The following SORL1 variants were observed in gnomAD, a reference collection of about 807,000 sequenced individuals.
The protein encoded by SORL1 is sortilin related receptor 1, also known as sortilin-related receptor.
Under a neutral mutation model 273.7 loss-of-function variants are expected in SORL1, and 127 were observed. The observed-to-expected ratio is 0.46, with a 90% CI of 0.40 to 0.54. The LOEUF (loss-of-function observed/expected upper bound fraction) is 0.54, where lower values mean the gene tolerates loss of function less well. Among genes scored for constraint, SORL1 ranks in the 20% least tolerant of loss-of-function variants. The pLI, the probability that SORL1 is intolerant of heterozygous loss-of-function variation, is 0.00. For missense variants in SORL1, 2,494 were observed against 2,846.1 expected (o/e 0.88, Z 2.81); for synonymous variants, 1,031 against 1,067.4 (o/e 0.97, Z 0.66).
chr11:121,516,507 C>T (rs1440097346), intron 8 of SORL1, among the ~76,000 whole-genome samples: 1 of 152,094 alleles, frequency 6.6e-6, no homozygotes, highest in Non-Finnish European at 1.5e-5. Context: ...GTTGGAGAGG[C>T]CTATTGGATA....
chr11:121,543,428 C>A (rs2134886464), intron 12 of SORL1, 120 bp from the exon 13 acceptor site: 1 of 756,010 alleles, frequency 1.3e-6, no homozygotes. Context: ...CTGCCTTAGC[C>A]CAGGATCAGC....
chr11:121,566,228 C>T lies in SORL1; in HGVS notation c.3050-712C>T, dbSNP rs563791572. ...GGAGCTGTTCTTTCTCTTTCCCTCT[C>T]ATTAGGCCTCTTCTCTCTGTAAGCC... On this transcript the variant is annotated intron_variant, in intron 21 of 47. Coordinates refer to ENST00000260197, the MANE Select transcript of SORL1 (RefSeq NM_003105.6). Among the ~76,000 whole-genome samples, 6 of 152,170 alleles carry T rather than the reference C, an allele frequency of 3.9e-5. No individual in the cohort carries two copies. In the East Asian group the frequency reaches 9.7e-4, roughly 24 times the overall value.
At chr11:121,472,100 G>A (rs976487058) in intron 2 of SORL1, among the ~76,000 whole-genome samples, 15 of 152,066 alleles carry the variant, frequency 9.9e-5, no homozygotes, top group Non-Finnish European at 1.2e-4. Context: ...ACCTATCTTC[G>A]TGCTACTGTA....
intron 2 of SORL1, among the ~76,000 whole-genome samples, chr11:121,473,370 CT>C (rs1861203144): frequency 6.6e-6 from 1 of 152,216 alleles, no homozygotes; most frequent in African/African-American, 2.4e-5. Context: ...CATTTATCCA[CT>C]GATGAAGTTG....
At chr11:121,558,937 C>A (rs1862633422) in intron 20 of SORL1, 100 bp downstream of exon 20, 3 of 1,465,618 alleles carry the variant, frequency 2.0e-6, no homozygotes, top group South Asian at 1.3e-5. Flanking sequence ...AGCTGTTTAA[C>A]TTCTTAAAGG....
intron 25 of SORL1, among the ~76,000 whole-genome samples, chr11:121,581,268 A>G (rs1191119006): frequency 2.6e-5 from 4 of 152,174 alleles, no homozygotes; most frequent in Non-Finnish European, 4.4e-5. Flanking sequence ...TCCCTGTTAT[A>G]CTACTTATTT....
intron 23 of SORL1, among the ~76,000 whole-genome samples, chr11:121,573,071 G>C (rs1332401878): frequency 6.6e-6 from 1 of 152,180 alleles, no homozygotes. Context: ...CGGGGTGCCA[G>C]GGATTGTGCT....
In SORL1 at chr11:121,583,680, C is replaced by T. The variant is rs139012444; in HGVS notation, c.3706+97C>T. 1.7e-4 allele frequency: 231 copies of T among 1,355,078 alleles called. 2 individuals are homozygous for T. In the African/African-American group the frequency reaches 3.0e-3, roughly 18 times the overall value. The allele number at this position is 1,355,078 out of a possible 1,614,324, so 83.9% of individuals were successfully genotyped here. On this transcript the variant is annotated intron_variant, in intron 26 of 47. Coordinates refer to ENST00000260197, the MANE Select transcript of SORL1 (RefSeq NM_003105.6). Reference sequence around the variant, plus strand: ...GAGCCAGGGGATGAAATGCTGTTCTCCTATGCCTGTATTTACACTCTGAAA... The same window carrying T: ...GAGCCAGGGGATGAAATGCTGTTCTTCTATGCCTGTATTTACACTCTGAAA...
intron 35 of SORL1, among the ~76,000 whole-genome samples, chr11:121,605,989 A>G (rs187444924): frequency 5.7e-4 from 87 of 152,208 alleles, no homozygotes; most frequent in Middle Eastern, 3.4e-3. Flanking sequence ...TGGAGGCGCA[A>G]TCACTGCTCA....
intron 21 of SORL1, among the ~76,000 whole-genome samples, chr11:121,564,573 T>TTTTG (rs370214647): frequency 1.3e-5 from 2 of 150,568 alleles, no homozygotes; most frequent in African/African-American, 4.9e-5. Context: ...TATTTGTTCG[T>TTTTG]TTTGTTTGTT....
intron 38 of SORL1, chr11:121,609,587 A>G (rs1048826072): frequency 1.3e-5 from 2 of 152,170 alleles, no homozygotes; most frequent in African/African-American, 2.4e-5. Context: ...CTGCTTGCAT[A>G]TATTTGGGCT....
chr11:121,615,039 C>T lies in SORL1; in HGVS notation c.5588C>T (p.Thr1863Ile). The T allele has an allele frequency of 6.2e-7, 1 of 1,601,894 alleles. No individual in the cohort carries two copies. Among genetic ancestry groups the T allele is most frequent in the South Asian group, 1.1e-5 (1 of 89,506 alleles). Residue 1863 changes from threonine to isoleucine, a missense_variant, in exon 41 of 48, where the codon ACC becomes ATC. Coordinates refer to ENST00000260197, the MANE Select transcript of SORL1 (RefSeq NM_003105.6). ...CAGACTGCAGTGGAATGTACCTGGACCGGCCCCCGGAATGTGGTGAGTCAG... is the reference window on the plus strand; with the variant it reads ...CAGACTGCAGTGGAATGTACCTGGATCGGCCCCCGGAATGTGGTGAGTCAG... ...INQTAVECTW[T>I]GPRNVVYGIF...
chr11:121,452,666 C>T lies in SORL1; in HGVS notation c.285+50C>T. ...CCTCCAGTTTTTTCCTCTCCCTGCA[C>T]TTCCTCACCCCCGCATCCATCCGTT... is the stretch of plus-strand genomic sequence containing the variant. On this transcript the variant is annotated intron_variant, in intron 1 of 47. Coordinates refer to ENST00000260197, the MANE Select transcript of SORL1 (RefSeq NM_003105.6). This position sits in a 1 kb window ranked among gnomAD's most constrained non-coding sequence, Gnocchi z 5.3. 4 of 1,382,590 alleles carry T rather than the reference C, an allele frequency of 2.9e-6. No individual in the cohort carries two copies. Among genetic ancestry groups the T allele is most frequent in the Non-Finnish European group, 3.8e-6 (4 of 1,065,430 alleles). The allele number at this position is 1,382,590 out of a possible 1,614,324, so 85.6% of individuals were successfully genotyped here.
chr11:121,580,736 C>T (rs181946624), intron 25 of SORL1, among the ~76,000 whole-genome samples: 152 of 151,498 alleles, frequency 1.0e-3, no homozygotes, highest in Non-Finnish European at 1.7e-3. Flanking sequence ...TCTTGAGTAG[C>T]TGGGGCTACA....
intron 1 of SORL1, among the ~76,000 whole-genome samples, chr11:121,455,800 C>G (rs570221569): frequency 6.6e-6 from 1 of 152,326 alleles, no homozygotes; most frequent in Non-Finnish European, 1.5e-5. Flanking sequence ...CGAAACCAGC[C>G]TGGTCCACAT....
At chr11:121,501,769 CAT>C (rs1194013459) in intron 6 of SORL1, among the ~76,000 whole-genome samples, 3 of 152,192 alleles carry the variant, frequency 2.0e-5, no homozygotes, top group African/African-American at 4.8e-5. Flanking sequence ...CCTCCCATGA[CAT>C]GTGGGGATTA....
chr11:121,516,804 A>C (rs551672880), intron 8 of SORL1, among the ~76,000 whole-genome samples: 109 of 152,226 alleles, frequency 7.2e-4, no homozygotes, highest in Admixed American at 3.7e-3. Flanking sequence ...CTGTAAACCC[A>C]GCACTTTGGG....
At chr11:121,614,136 A>G (rs1019203876) in intron 40 of SORL1, 10 of 152,242 alleles carry the variant, frequency 6.6e-5, no homozygotes, top group African/African-American at 2.4e-4. Context: ...TCTTAGTTTT[A>G]ATAGCATTTC....
At chr11:121,628,655 G>A (rs900761114) in intron 47 of SORL1, among the ~76,000 whole-genome samples, 1 of 152,188 alleles carries the variant, frequency 6.6e-6, no homozygotes, top group African/African-American at 2.4e-5. Context: ...TTTGCACAAT[G>A]AAAACCCTAA....
Sources: allele counts gnomAD v4.1 joint callset (sites outside exome capture counted in the v4.1 genomes callset), GRCh38; gene constraint gnomAD v4.1.1; non-coding constraint Gnocchi (gnomAD v3.1); transcripts MANE v1.5; gene names NCBI Gene and HGNC (gene_info 2026-07-23, HGNC 2026-07-21).